STARD13: variants seen among roughly 807,000 people sequenced by gnomAD.
STARD13 encodes the protein stAR-related lipid transfer protein 13.
STARD13 carries 62 observed loss-of-function variants against 106.4 expected under a neutral mutation model. The observed-to-expected ratio is 0.58, with a 90% CI of 0.48 to 0.72. The LOEUF is 0.72. Among genes scored for constraint, STARD13 ranks in the 30% least tolerant of loss-of-function variants. The probability of loss-of-function intolerance (pLI) is 0.00; values close to 1 mark genes in which losing one functional copy is unlikely to be tolerated. For synonymous variants in STARD13, 565 were observed against 553.0 expected (o/e 1.02, Z -0.31); for missense variants, 1,387 against 1,424.0 (o/e 0.97, Z 0.42).
chr13:33,490,622 C>T, the STARD13 span, among the ~76,000 whole-genome samples: 2 of 152,106 alleles, frequency 1.3e-5, no homozygotes, highest in Non-Finnish European at 2.9e-5. Flanking sequence ...CATCCCCCAG[C>T]CCCCGCCCTT....
intron 3 of STARD13, among the ~76,000 whole-genome samples, chr13:33,163,589 C>CCA (rs1491117543): frequency 1.9e-5 from 1 of 53,726 alleles, no homozygotes; most frequent in African/African-American, 6.3e-5. Flanking sequence ...GACTCTGTCT[C>CCA]AAAAAAAAAA....
At chr13:33,645,070 C>G in the STARD13 span, among the ~76,000 whole-genome samples, 1 of 152,234 alleles carries the variant, frequency 6.6e-6, no homozygotes, top group Non-Finnish European at 1.5e-5. Context: ...AACGTGACCT[C>G]GCCGTTCCTC....
At chr13:33,589,072 T>C in the STARD13 span, among the ~76,000 whole-genome samples, 1 of 152,214 alleles carries the variant, frequency 6.6e-6, no homozygotes, top group Non-Finnish European at 1.5e-5. Context: ...ATTTACACAT[T>C]AGTATCATCA....
the STARD13 span, among the ~76,000 whole-genome samples, chr13:33,357,507 G>A: frequency 1.3e-5 from 2 of 152,250 alleles, no homozygotes; most frequent in East Asian, 3.9e-4. Context: ...AGGATAATGC[G>A]TCTTGTAAGC....
At chr13:33,563,410 C>G in the STARD13 span, among the ~76,000 whole-genome samples, 5 of 146,478 alleles carry the variant, frequency 3.4e-5, no homozygotes, top group East Asian at 1.0e-3. Flanking sequence ...AATAGAGGAC[C>G]CAGATATAAA....
At chr13:33,461,454 A>G in the STARD13 span, among the ~76,000 whole-genome samples, 5 of 152,310 alleles carry the variant, frequency 3.3e-5, no homozygotes, top group African/African-American at 1.2e-4. Flanking sequence ...ACTCCATTTA[A>G]CAAAGGAGGA....
intron 1 of STARD13, among the ~76,000 whole-genome samples, chr13:33,236,547 A>G (rs1889199416): frequency 6.6e-6 from 1 of 152,244 alleles, no homozygotes; most frequent in Non-Finnish European, 1.5e-5. Context: ...AGAAGCTTTC[A>G]GCAACAGTCT....
At chr13:33,667,047 G>C in the STARD13 span, among the ~76,000 whole-genome samples, 1 of 152,186 alleles carries the variant, frequency 6.6e-6, no homozygotes, top group African/African-American at 2.4e-5. Context: ...CATGTAGACT[G>C]AATAGATGCT....
At chr13:33,343,581 A>AAAAAAAAAC (rs2077984436) in intron 1 of STARD13, among the ~76,000 whole-genome samples, 1 of 93,504 alleles carries the variant, frequency 1.1e-5, no homozygotes, top group Non-Finnish European at 2.1e-5. Context: ...CTGTCTTAAA[A>AAAAAAAAAC]AAAAAAAAAA....
chr13:33,285,712 CAAGG>C lies in STARD13; in HGVS notation c.-78_-75del, dbSNP rs1708656219. 1 of 1,582,694 alleles carries C rather than the reference CAAGG, an allele frequency of 6.3e-7. No homozygotes were observed. Among genetic ancestry groups the C allele is most frequent in the African/African-American group, 1.3e-5 (1 of 74,326 alleles). ...TCTGTCTCCAGTCTCAGTCAAAGAGCAAGGCACCCAGCCCAGGACAGCTCAACAG... is the reference window on the plus strand; with the variant it reads ...TCTGTCTCCAGTCTCAGTCAAAGAGCCACCCAGCCCAGGACAGCTCAACAG... On this transcript the variant is annotated 5_prime_UTR_variant, in exon 1 of 14. Coordinates refer to ENST00000336934, the MANE Select transcript of STARD13 (RefSeq NM_178006.4).
At chr13:33,656,188 A>C in the STARD13 span, among the ~76,000 whole-genome samples, 2 of 152,230 alleles carry the variant, frequency 1.3e-5, no homozygotes, top group African/African-American at 4.8e-5. Context: ...CTCTGATTTG[A>C]TATAGTCTGG....
At chr13:33,430,717 T>C in the STARD13 span, among the ~76,000 whole-genome samples, 1 of 152,230 alleles carries the variant, frequency 6.6e-6, no homozygotes, top group East Asian at 1.9e-4. Context: ...GTGGTATATA[T>C]ACACCATGGA....
the STARD13 span, among the ~76,000 whole-genome samples, chr13:33,482,393 T>TA: frequency 6.6e-6 from 1 of 152,232 alleles, no homozygotes; most frequent in Non-Finnish European, 1.5e-5. Context: ...TGCCTTTTCT[T>TA]AAAATCCATT....
chr13:33,148,503 A>T (rs1288864628), intron 3 of STARD13, among the ~76,000 whole-genome samples: 1 of 152,206 alleles, frequency 6.6e-6, no homozygotes, highest in Non-Finnish European at 1.5e-5. Flanking sequence ...GTCATTAGGG[A>T]ATTGCAAACT....
chr13:33,534,201 T>C, the STARD13 span, among the ~76,000 whole-genome samples: 28 of 152,338 alleles, frequency 1.8e-4, no homozygotes, highest in East Asian at 5.4e-3. Flanking sequence ...ATCAATAGAA[T>C]GTCTATTTTA....
intron 1 of STARD13, among the ~76,000 whole-genome samples, chr13:33,295,084 G>A (rs1054336768): frequency 3.9e-5 from 6 of 152,054 alleles, no homozygotes; most frequent in East Asian, 1.9e-4. Flanking sequence ...ATAAAGGCGC[G>A]GGAGGAATAA....
chr13:33,105,637 A>C lies in STARD13; in HGVS notation c.3298T>G (p.Ser1100Ala), dbSNP rs1476028152. The change falls in exon 14 of 14, where the codon TCT (serine) becomes GCT (alanine). Residue 1100 changes from serine to alanine, a missense_variant. Transcript: ENST00000336934. ...CCCTCAGCAATGAGGGGCTGGAAAG[A>C]GTTTCTAATCCTGGCAACTTCTGCT... The part of the protein sequence containing the change: ...CAAEVARIRN[S>A]FQPLIAEGPE... The C allele has an allele frequency of 6.2e-7, 1 of 1,614,118 alleles. No homozygotes were observed. Among genetic ancestry groups the C allele is most frequent in the South Asian group, 1.1e-5 (1 of 91,084 alleles).
the STARD13 span, among the ~76,000 whole-genome samples, chr13:33,597,860 A>C: frequency 6.6e-6 from 1 of 152,144 alleles, no homozygotes; most frequent in African/African-American, 2.4e-5. Flanking sequence ...GTCTCAAAAA[A>C]AAAAAAAGAT....
intron 1 of STARD13, among the ~76,000 whole-genome samples, chr13:33,309,994 T>C (rs572549562): frequency 3.3e-5 from 5 of 152,358 alleles, no homozygotes; most frequent in African/African-American, 1.2e-4. Flanking sequence ...TAGGGTCTAT[T>C]GACATCATGC....
Sources: allele counts gnomAD v4.1 joint callset (sites outside exome capture counted in the v4.1 genomes callset), GRCh38; gene constraint gnomAD v4.1.1; transcripts MANE v1.5; gene names NCBI Gene and HGNC (gene_info 2026-07-23, HGNC 2026-07-21).